MXD3: variants seen among roughly 807,000 people sequenced by gnomAD.
MXD3 encodes Max-associated protein 3.
A neutral mutation model predicts 27.5 loss-of-function variants in MXD3; 20 were observed. That is an observed-to-expected ratio of 0.73 (90% CI 0.51 to 1.06). The LOEUF is 1.06. MXD3 is among the 50% of genes least tolerant of loss of function. The probability of loss-of-function intolerance (pLI) is 0.00; values close to 1 mark genes in which losing one functional copy is unlikely to be tolerated. For synonymous variants in MXD3, 150 were observed against 130.7 expected (o/e 1.15, Z -1.01); for missense variants, 298 against 291.3 (o/e 1.02, Z -0.17).
chr5:177,305,937 G>A (rs1760860148), downstream of MXD3: 1 of 1,614,074 alleles, frequency 6.2e-7, no homozygotes, highest in Non-Finnish European at 8.5e-7. Flanking sequence ...AATCCGCCGG[G>A]AAGCCTGGGT....
chr5:177,306,533 C>T (rs1349773461), downstream of MXD3: 1 of 1,612,218 alleles, frequency 6.2e-7, no homozygotes, highest in Non-Finnish European at 8.5e-7. Context: ...AGCAAGGCGG[C>T]CACCAAGAAG....
intron 4 of MXD3, among the ~76,000 whole-genome samples, chr5:177,308,325 G>A (rs533280645): frequency 6.6e-6 from 1 of 152,236 alleles, no homozygotes; most frequent in African/African-American, 2.4e-5. Context: ...GGCATGTGCT[G>A]TCATGGGAAA....
chr5:177,309,679 C>T lies in MXD3; in HGVS notation c.321+747G>A, dbSNP rs147243368. ...AGTAAACACTTGTCAGAGGAGATAA[C>T]GCAAGCCAGGGAACTGGGCATGGGT... On this transcript the variant is annotated intron_variant, in intron 4 of 5. Coordinates refer to ENST00000439742, the MANE Select transcript of MXD3 (RefSeq NM_031300.4). Among the ~76,000 whole-genome samples the T allele has an allele frequency of 1.7e-3, 260 of 152,368 alleles. 1 individual carries two copies. Among genetic ancestry groups the T allele is most frequent in the African/African-American group, 5.7e-3 (235 of 41,588 alleles).
At chr5:177,308,057 G>A in intron 4 of MXD3, 93 bp from the exon 5 acceptor site, 1 of 1,217,520 alleles carries the variant, frequency 8.2e-7, no homozygotes, top group Non-Finnish European at 1.1e-6. Context: ...ACGGCCACAG[G>A]GCCAATGCCC....
chr5:177,310,367 C>T (rs1761004355), intron 4 of MXD3, 59 bp downstream of exon 4: 11 of 1,395,086 alleles, frequency 7.9e-6, no homozygotes, highest in Non-Finnish European at 8.9e-6. Context: ...CCAGCCCCTC[C>T]ATAGCACAGC....
chr5:177,310,425 C>A lies in MXD3; in HGVS notation c.321+1G>T. ...AGTCCGGGCGCAGTGGGGGGCCTCACCTGGATGTGCATCCTGGCACGGCGC... is the reference window on the plus strand; with the variant it reads ...AGTCCGGGCGCAGTGGGGGGCCTCAACTGGATGTGCATCCTGGCACGGCGC... On this transcript the variant is annotated splice_donor_variant, in intron 4 of 5. Coordinates refer to ENST00000439742, the MANE Select transcript of MXD3 (RefSeq NM_031300.4). LOFTEE classifies it high-confidence loss of function. 4.3e-6 allele frequency: 7 copies of A among 1,609,724 alleles called. No individual in the cohort carries two copies. The highest frequency in any genetic ancestry group is 5.9e-6 in the Non-Finnish European group (7 of 1,178,330).
At chr5:177,306,083 C>T, downstream of MXD3, 2 of 1,607,688 alleles carry the variant, frequency 1.2e-6, no homozygotes, top group Non-Finnish European at 8.5e-7. Flanking sequence ...CCTTCCCATT[C>T]TCATCTCATG....
downstream of MXD3, chr5:177,306,262 G>A: frequency 6.4e-7 from 1 of 1,563,294 alleles, no homozygotes; most frequent in Non-Finnish European, 8.8e-7. Context: ...TCATTGCCCT[G>A]CTCTGAGCTG....
At chr5:177,308,441 C>T (rs912588671) in intron 4 of MXD3, among the ~76,000 whole-genome samples, 3 of 151,886 alleles carry the variant, frequency 2.0e-5, no homozygotes, top group African/African-American at 4.8e-5. Context: ...GGCACAATCT[C>T]GGCTCACCAC....
At position 177,311,458 on chromosome 5, in the gene MXD3, A is replaced by T; in HGVS notation, c.97T>A (p.Cys33Ser). 3 of 1,409,546 alleles carry T rather than the reference A, an allele frequency of 2.1e-6. No individual in the cohort carries two copies. The highest frequency in any genetic ancestry group is 2.8e-6 in the Non-Finnish European group (3 of 1,082,526). 87.3% of individuals were successfully genotyped at this position (1,409,546 alleles called of 1,614,324 possible). Reference protein sequence around the residue: ...REAEHGYASLCPHRSPGPIHR... With the variant: ...REAEHGYASLSPHRSPGPIHR... Reference sequence around the variant, plus strand: ...ATGGGGCCTGGACTGCGATGCGGGCACAGGGACGCATAACCATGCTCGGCC... The same window carrying T: ...ATGGGGCCTGGACTGCGATGCGGGCTCAGGGACGCATAACCATGCTCGGCC... Residue 33 changes from cysteine (C) to serine (S), a missense_variant, in exon 2 of 6, where the codon TGC (cysteine) becomes AGC (serine). Transcript: ENST00000439742.
Position 177,307,635 on chromosome 5 carries a change from C to T in MXD3, c.574G>A (p.Ala192Thr), listed in dbSNP as rs370138646. Residue 192 changes from alanine to threonine, a missense_variant, in exon 6 of 6, where the codon GCC becomes ACC. Transcript: ENST00000439742. ...TGCGAGTAGCTGTGCTCCTGGCCGG[C>T]GACGAAGCCCCGCAGCAGCTCGGCC... Reference protein sequence around the residue: ...GEAELLRGFVAGQEHSYSHGG... With the variant: ...GEAELLRGFVTGQEHSYSHGG... The T allele has an allele frequency of 3.6e-5, 58 of 1,613,166 alleles. 1 individual carries two copies. The highest frequency in any genetic ancestry group is 2.4e-4 in the South Asian group (22 of 91,086).
rs747390416 is a variant in MXD3 at position 177,307,739 on chromosome 5, C to T, written c.506-36G>A. On this transcript the variant is annotated intron_variant, in intron 5 of 5. Transcript: ENST00000439742. ...AGGGGTCCGGTCAGAAGACCTGGCT[C>T]GCCCCGAGGGCCACACAACCCCTCA... 8.1e-6 allele frequency: 13 copies of T among 1,613,332 alleles called. No individual in the cohort carries two copies. The East Asian group carries it at 8.9e-5, about 11-fold the overall frequency.
chr5:177,306,719 A>G (rs888090606), downstream of MXD3: 1 of 1,189,908 alleles, frequency 8.4e-7, no homozygotes, highest in Non-Finnish European at 1.2e-6. Flanking sequence ...TCTGCAGTAC[A>G]CCAAGCACAT....
At chr5:177,309,861 T>C (rs1206119972) in intron 4 of MXD3, among the ~76,000 whole-genome samples, 1 of 152,236 alleles carries the variant, frequency 6.6e-6, no homozygotes, top group Non-Finnish European at 1.5e-5. Flanking sequence ...CATCCACTCC[T>C]GTCCACCAGG....
In MXD3 at chr5:177,307,974, C is replaced by G; in HGVS notation, c.322-10G>C. 6.5e-7 allele frequency: 1 copy of G among 1,532,576 alleles called. No individual in the cohort carries two copies. Among genetic ancestry groups the G allele is most frequent in the Non-Finnish European group, 8.8e-7 (1 of 1,138,112 alleles). 94.9% of individuals were successfully genotyped at this position (1,532,576 alleles called of 1,614,324 possible). On this transcript the variant is annotated splice_polypyrimidine_tract_variant and intron_variant, in intron 4 of 5. Coordinates refer to ENST00000439742, the MANE Select transcript of MXD3 (RefSeq NM_031300.4). ...CCTGATCCTCCAGCTTCTGCGGATC[C>G]CAAAGGAGCAAGGGGCTGGGGTCAG... is the stretch of plus-strand genomic sequence containing the variant.
upstream of MXD3, chr5:177,312,725 C>A: frequency 1.0e-6 from 1 of 985,524 alleles, no homozygotes; most frequent in East Asian, 1.1e-4. Context: ...CTCAGGCAGG[C>A]CATACCCTGG....
intron 4 of MXD3, among the ~76,000 whole-genome samples, chr5:177,309,397 G>A (rs1050563971): frequency 6.6e-6 from 1 of 152,202 alleles, no homozygotes; most frequent in Non-Finnish European, 1.5e-5. Context: ...AAGGAGCACT[G>A]CCCAGGTCCT....
chr5:177,309,079 TG>T lies in MXD3; in HGVS notation c.322-1116del, dbSNP rs1760973278. Among the ~76,000 whole-genome samples the T allele has an allele frequency of 2.0e-5, 3 of 152,178 alleles. No homozygotes were observed. The South Asian group carries it at 6.2e-4, about 32-fold the overall frequency. On this transcript the variant is annotated intron_variant, in intron 4 of 5. Transcript: ENST00000439742. ...ACGTCAAGACACAGCAGAGGGAGCCTGGGAAGAGCACAGAGCATTCAGCTTC... is the reference window on the plus strand; with the variant it reads ...ACGTCAAGACACAGCAGAGGGAGCCTGGAAGAGCACAGAGCATTCAGCTTC...
At chr5:177,306,917 T>C, downstream of MXD3, 1 of 798,158 alleles carries the variant, frequency 1.3e-6, no homozygotes. Context: ...ATCTAGCACA[T>C]AATAGACACT....
Sources: allele counts gnomAD v4.1 joint callset (sites outside exome capture counted in the v4.1 genomes callset), GRCh38; gene constraint gnomAD v4.1.1; transcripts MANE v1.5; gene names NCBI Gene and HGNC (gene_info 2026-07-23, HGNC 2026-07-21).